The following ABCA8 variants were observed in gnomAD, a reference collection of about 807,000 sequenced individuals.
ABCA8 encodes the protein ABC-type organic anion transporter ABCA8.
In ABCA8, 177 loss-of-function variants were observed where a neutral mutation model predicts 192.3. That is an observed-to-expected ratio of 0.92 (90% CI 0.81 to 1.04). The LOEUF (loss-of-function observed/expected upper bound fraction) is 1.04. Ranked by LOEUF, ABCA8 falls within the 50% of genes least tolerant of loss-of-function variation. ABCA8 has a pLI of 0.00. For synonymous variants in ABCA8, 642 were observed against 690.2 expected, an observed-to-expected ratio of 0.93 and a Z score of 1.09; for missense variants, 1,915 against 1,904.8, an observed-to-expected ratio of 1.01 and a Z score of -0.10.
chr17:68,869,290 A>G lies in ABCA8; in HGVS notation c.4711+410T>C, dbSNP rs542544843. ...GTGACAGATGCGAGGAGATTGTTTC[A>G]ATGACCAGACAGGAGTCAGTTTCTT... On this transcript the variant is annotated intron_variant, in intron 38 of 39. Coordinates refer to ENST00000586539, the MANE Select transcript of ABCA8 (RefSeq NM_001288985.2). Among the ~76,000 whole-genome samples the G allele has an allele frequency of 2.0e-5, 3 of 152,302 alleles. No individual in the cohort carries two copies. The South Asian group carries it at 6.2e-4, about 32-fold the overall frequency.
At chr17:68,930,564 A>G (rs892562815) in intron 7 of ABCA8, among the ~76,000 whole-genome samples, 16 of 152,218 alleles carry the variant, frequency 1.1e-4, no homozygotes, top group African/African-American at 3.9e-4. Context: ...TCACACACAT[A>G]GCAATTAATA....
intron 6 of ABCA8, 145 bp downstream of exon 6, chr17:68,933,023 G>T: frequency 1.6e-6 from 1 of 631,862 alleles, no homozygotes; most frequent in Non-Finnish European, 2.8e-6. Context: ...ACATTCCGTG[G>T]TATATAGTAA....
At position 68,876,457 on chromosome 17, in the gene ABCA8, C is replaced by G. The variant is rs771107853; in HGVS notation, c.4370+3G>C. 6.2e-7 allele frequency: 1 copy of G among 1,613,998 alleles called. No individual in the cohort carries two copies. Among genetic ancestry groups the G allele is most frequent in the South Asian group, 1.1e-5 (1 of 91,082 alleles). ...TGTCCCTGACCGTGGTAATGTTCCT[C>G]ACCACATTTGCTGCTGCCCCTCGGG... On this transcript the variant is annotated splice_donor_region_variant and intron_variant, in intron 35 of 39. Coordinates refer to ENST00000586539, the MANE Select transcript of ABCA8 (RefSeq NM_001288985.2).
At chr17:68,882,259 A>C (rs952119646) in intron 30 of ABCA8, among the ~76,000 whole-genome samples, 1 of 152,200 alleles carries the variant, frequency 6.6e-6, no homozygotes, top group Non-Finnish European at 1.5e-5. Flanking sequence ...AATGAAACTT[A>C]GAGAAGCACT....
At chr17:68,889,751 A>G (rs1381524407) in intron 24 of ABCA8, among the ~76,000 whole-genome samples, 3 of 152,136 alleles carry the variant, frequency 2.0e-5, no homozygotes, top group Non-Finnish European at 4.4e-5. Context: ...GTCACTATAG[A>G]TTAATTTTAC....
rs2065955740 is a variant in ABCA8, at chr17:68,867,912, C to T, written c.*173G>A. ...AGAGGAGGTTGGCTTAGTCAAATGC[C>T]TCTGTCCACACTGACATGGCACTTA... On this transcript the variant is annotated 3_prime_UTR_variant, in exon 40 of 40. Coordinates refer to ENST00000586539, the MANE Select transcript of ABCA8 (RefSeq NM_001288985.2). 2 of 577,636 alleles carry T rather than the reference C, an allele frequency of 3.5e-6. No homozygotes were observed. Among genetic ancestry groups the T allele is most frequent in the East Asian group, 5.7e-5 (2 of 35,014 alleles). 35.8% of individuals were successfully genotyped at this position (577,636 alleles called of 1,614,324 possible). A position where few individuals can be genotyped will look rare whatever the true frequency, so the allele number is the denominator to read the frequency against.
chr17:68,893,920 T>TG (rs2066681737), intron 23 of ABCA8: 4 of 175,828 alleles, frequency 2.3e-5, no homozygotes, highest in African/African-American at 1.2e-4. Flanking sequence ...CAGAGTGTGA[T>TG]ATTCCCTTTC....
chr17:68,883,453 G>A (rs964996786), intron 29 of ABCA8, among the ~76,000 whole-genome samples: 8 of 152,188 alleles, frequency 5.3e-5, no homozygotes, highest in East Asian at 1.9e-4. Flanking sequence ...TTGGCCAGTG[G>A]ATCATTCTGT....
intron 21 of ABCA8, among the ~76,000 whole-genome samples, chr17:68,895,400 A>G (rs1218241895): frequency 6.6e-6 from 1 of 152,210 alleles, no homozygotes; most frequent in Non-Finnish European, 1.5e-5. Context: ...CTGGAAGACA[A>G]CATGTAGACT....
At chr17:68,940,989 GA>G (rs1433063648) in intron 3 of ABCA8, 27 bp from the exon 4 acceptor site, 1 of 1,530,978 alleles carries the variant, frequency 6.5e-7, no homozygotes, top group East Asian at 2.3e-5. Context: ...AAAAGATAAA[GA>G]AAAGTCTTAT....
intron 4 of ABCA8, 114 bp from the exon 5 acceptor site, chr17:68,937,229 G>T: frequency 1.1e-6 from 1 of 908,442 alleles, no homozygotes; most frequent in Non-Finnish European, 1.6e-6. Context: ...ACATTATCAA[G>T]TATTAACTTT....
intron 12 of ABCA8, among the ~76,000 whole-genome samples, 198 bp downstream of exon 12, chr17:68,922,044 T>C (rs895113704): frequency 6.6e-6 from 1 of 151,916 alleles, no homozygotes; most frequent in African/African-American, 2.4e-5. Flanking sequence ...TTTTATAAAG[T>C]AGAAGCAATA....
In ABCA8 at chr17:68,869,716, G is replaced by A; in HGVS notation, c.4695C>T (p.Phe1565=). 1 of 1,611,950 alleles carries A rather than the reference G, an allele frequency of 6.2e-7. No individual in the cohort carries two copies. Among genetic ancestry groups the A allele is most frequent in the Non-Finnish European group, 8.5e-7 (1 of 1,178,222 alleles). Residue 1565 remains phenylalanine, a synonymous_variant, in exon 38 of 40, where the codon TTC becomes TTT. Transcript: ENST00000586539. ...ACTTCTTACCCTTCTCTAATTTGAA[G>A]AAAGCTTGGGCTAAAGGTTGCACAT... ...VEDVQPLAQA[F]FKLEKVKQSF...
rs754497896 is a variant in ABCA8 at position 68,894,199 on chromosome 17, G to A, written c.3010C>T (p.Arg1004Ter). The A allele has an allele frequency of 1.9e-5, 31 of 1,613,060 alleles. No individual in the cohort carries two copies. The highest frequency in any genetic ancestry group is 2.2e-5 in the Non-Finnish European group (26 of 1,179,532). The change falls in exon 23 of 40, where the codon CGA (arginine) becomes TGA (stop). Residue 1004 changes from arginine to a stop codon, truncating the protein, a stop_gained. Coordinates refer to ENST00000586539, the MANE Select transcript of ABCA8 (RefSeq NM_001288985.2). LOFTEE classifies it high-confidence loss of function. ...LGMVKPSVHI[R>*]TERSTFLENG... ...TCCAAAAATGTACTTCTTTCAGTTC[G>A]GATATGTACTGATGGTTTAACCATT...
intron 5 of ABCA8, among the ~76,000 whole-genome samples, chr17:68,934,618 T>A (rs1391190941): frequency 6.6e-6 from 1 of 152,210 alleles, no homozygotes; most frequent in African/African-American, 2.4e-5. Flanking sequence ...AATTATTCTA[T>A]GTCCTCTGGA....
At chr17:68,879,729 G>A (rs1040256975) in intron 32 of ABCA8, 1 of 152,486 alleles carries the variant, frequency 6.6e-6, no homozygotes, top group South Asian at 2.1e-4. Context: ...TTGGAGCAAA[G>A]TTGTGGCCAA....
intron 1 of ABCA8, among the ~76,000 whole-genome samples, chr17:68,950,775 A>G (rs1210884339): frequency 6.6e-6 from 1 of 152,086 alleles, no homozygotes; most frequent in Non-Finnish European, 1.5e-5. Context: ...AGTGGCTGAG[A>G]AAATGGATTC....
chr17:68,935,951 G>A (rs1465495590), intron 5 of ABCA8, among the ~76,000 whole-genome samples: 3 of 152,106 alleles, frequency 2.0e-5, no homozygotes, highest in African/African-American at 7.2e-5. Flanking sequence ...GTGATGTGGA[G>A]CATTTTTTTA....
intron 17 of ABCA8, among the ~76,000 whole-genome samples, chr17:68,914,308 G>C (rs919277015): frequency 2.0e-5 from 3 of 151,958 alleles, no homozygotes; most frequent in African/African-American, 4.8e-5. Context: ...AATCAGATAA[G>C]AGGCAGAAAA....
Sources: gnomAD v4.1 joint callset for allele counts (sites outside exome capture counted in the v4.1 genomes callset) on GRCh38, gnomAD v4.1.1 for gene constraint, MANE v1.5 for transcripts, NCBI Gene and HGNC (gene_info 2026-07-23, HGNC 2026-07-21) for gene names.